Variants in CDS1 observed in about 807,000 individuals in gnomAD.
CDS1 encodes CDP-diacylglycerol synthase 1, also known as phosphatidate cytidylyltransferase 1.
A neutral mutation model predicts 62.1 loss-of-function variants in CDS1; 41 were observed. That is an observed-to-expected ratio of 0.66 (90% CI 0.51 to 0.86). The LOEUF (loss-of-function observed/expected upper bound fraction) is 0.86, where lower values mean the gene tolerates loss of function less well. CDS1 is among the 40% of genes least tolerant of loss of function. The pLI, the probability that CDS1 is intolerant of heterozygous loss-of-function variation, is 0.00. For synonymous variants in CDS1, 185 were observed against 192.6 expected (o/e 0.96, Z 0.32); for missense variants, 470 against 550.1 (o/e 0.85, Z 1.46).
At position 84,619,973 on chromosome 4, in the gene CDS1, C is replaced by T. The variant is rs564063875; in HGVS notation, c.580+440C>T. On this transcript the variant is annotated intron_variant, in intron 5 of 12. Transcript: ENST00000295887. ...CTTGAACCTGGGAGGCAGAGGTTGC[C>T]GTGAGCTGAGATCACGCCATTGCAC... is the stretch of plus-strand genomic sequence containing the variant. Among the ~76,000 whole-genome samples the T allele has an allele frequency of 4.0e-5, 6 of 148,798 alleles. No homozygotes were observed. The South Asian group carries it at 6.4e-4, about 16-fold the overall frequency.
intron 8 of CDS1, among the ~76,000 whole-genome samples, chr4:84,635,688 T>TTCCTTCCC (rs1724182202): frequency 1.8e-5 from 1 of 56,502 alleles, no homozygotes; most frequent in Non-Finnish European, 3.3e-5. Context: ...CCTTCCTTCC[T>TTCCTTCCC]TCCCTCCTTC....
At chr4:84,606,767 A>G (rs149192099) in intron 2 of CDS1, among the ~76,000 whole-genome samples, 114 of 152,094 alleles carry the variant, frequency 7.5e-4, no homozygotes, top group Non-Finnish European at 1.3e-3. Context: ...CACAACCTCT[A>G]CCTCTCAGGC....
At position 84,643,074 on chromosome 4, in the gene CDS1, C is replaced by A. The variant is rs1724440489; in HGVS notation, c.1083C>A (p.Thr361=). ...PFQIHSIALS[T]FASLIGPFGG... ...AGATCCACAGCATTGCACTGTCAAC[C>A]TTTGCATCTTTAATTGGCCCATTTG... The change falls in exon 11 of 13, where the codon ACC becomes ACA. Residue 361 remains threonine (T), a synonymous_variant. Coordinates refer to ENST00000295887, the MANE Select transcript of CDS1 (RefSeq NM_001263.4). 9.3e-6 allele frequency: 15 copies of A among 1,613,010 alleles called. No individual in the cohort carries two copies. Among genetic ancestry groups the A allele is most frequent in the Non-Finnish European group, 1.3e-5 (15 of 1,179,362 alleles).
intron 1 of CDS1, among the ~76,000 whole-genome samples, chr4:84,587,719 G>T (rs1722463031): frequency 6.6e-6 from 1 of 152,262 alleles, no homozygotes; most frequent in Non-Finnish European, 1.5e-5. Context: ...TCGGAGAAAT[G>T]GCATACAAGT....
chr4:84,617,157 C>G (rs1723521952), intron 3 of CDS1, among the ~76,000 whole-genome samples: 1 of 152,142 alleles, frequency 6.6e-6, no homozygotes, highest in South Asian at 2.1e-4. Context: ...AGCAAACTTT[C>G]ATATATGATT....
intron 2 of CDS1, 62 bp from the exon 3 acceptor site, chr4:84,609,367 A>G: frequency 9.7e-7 from 1 of 1,033,374 alleles, no homozygotes; most frequent in South Asian, 1.3e-5. Flanking sequence ...GCAAATCAAT[A>G]CTGAAACCAC....
At chr4:84,588,975 C>T (rs1313244141) in intron 1 of CDS1, among the ~76,000 whole-genome samples, 1 of 152,174 alleles carries the variant, frequency 6.6e-6, no homozygotes, top group Admixed American at 6.5e-5. Context: ...AAACTAAATT[C>T]TTCCAAAGTT....
At chr4:84,625,356 G>T (rs1383990854) in intron 5 of CDS1, among the ~76,000 whole-genome samples, 1 of 152,176 alleles carries the variant, frequency 6.6e-6, no homozygotes, top group African/African-American at 2.4e-5. Context: ...TGAAGTGATT[G>T]TGTGCTTTCC....
chr4:84,601,697 G>C (rs1181191487), intron 1 of CDS1, among the ~76,000 whole-genome samples: 1 of 152,126 alleles, frequency 6.6e-6, no homozygotes, highest in Non-Finnish European at 1.5e-5. Context: ...CGGATCACCT[G>C]AGGTCAGGAG....
chr4:84,639,667 T>C (rs1724319936), intron 9 of CDS1, among the ~76,000 whole-genome samples: 1 of 152,168 alleles, frequency 6.6e-6, no homozygotes, highest in Non-Finnish European at 1.5e-5. Context: ...TTTCCTAGTT[T>C]CTGACAGTTG....
chr4:84,644,717 C>T (rs1267718066), intron 11 of CDS1, among the ~76,000 whole-genome samples: 3 of 152,042 alleles, frequency 2.0e-5, no homozygotes, highest in Non-Finnish European at 4.4e-5. Flanking sequence ...TATGGGCTCA[C>T]TGTAATTTTA....
At position 84,583,207 on chromosome 4, in the gene CDS1, G is replaced by T. The variant is rs912012426; in HGVS notation, c.-195G>T. On this transcript the variant is annotated 5_prime_UTR_variant, in exon 1 of 13. Coordinates refer to ENST00000295887, the MANE Select transcript of CDS1 (RefSeq NM_001263.4). ...GCGCTCGCTGCAGGCGGCCTCGAGC[G>T]CTCTCTCGTTGATGCCGTTTTGGAG... 8.0e-6 allele frequency: 4 copies of T among 497,984 alleles called. No individual in the cohort carries two copies. The African/African-American group carries it at 8.2e-5, about 10-fold the overall frequency. 30.8% of individuals were successfully genotyped at this position (497,984 alleles called of 1,614,324 possible). A position where few individuals can be genotyped will look rare whatever the true frequency, so the allele number is the denominator to read the frequency against.
At chr4:84,635,678 CCTTCCTTCCTTCCCTCCT>C (rs1724179467) in intron 8 of CDS1, among the ~76,000 whole-genome samples, 1 of 131,952 alleles carries the variant, frequency 7.6e-6, no homozygotes, top group African/African-American at 3.0e-5. Context: ...TTCCTTCCTT[CCTTCCTTCCTTCCCTCCT>C]TCCCTCCCTC....
intron 6 of CDS1, among the ~76,000 whole-genome samples, chr4:84,632,949 C>T (rs895975613): frequency 2.6e-5 from 4 of 152,174 alleles, no homozygotes; most frequent in African/African-American, 9.7e-5. Context: ...CCTGGCAATA[C>T]CCCATTTCTA....
intron 12 of CDS1, 133 bp from the exon 13 acceptor site, chr4:84,648,424 C>A (rs776797225): frequency 2.7e-6 from 2 of 751,140 alleles, no homozygotes; most frequent in Non-Finnish European, 2.1e-6. Flanking sequence ...GAGCTATTAT[C>A]AAGAGCTATT....
intron 6 of CDS1, 77 bp downstream of exon 6, chr4:84,631,954 T>C: frequency 1.1e-6 from 1 of 927,258 alleles, no homozygotes; most frequent in South Asian, 1.4e-5. Context: ...AGTGAGAAGA[T>C]ACAGTCGAAT....
intron 1 of CDS1, among the ~76,000 whole-genome samples, chr4:84,590,114 G>A (rs952191095): frequency 1.3e-5 from 2 of 152,178 alleles, no homozygotes; most frequent in Admixed American, 6.5e-5. Context: ...CCCAGCCTAA[G>A]GCAGGTCTTT....
intron 11 of CDS1, among the ~76,000 whole-genome samples, 160 bp downstream of exon 11, chr4:84,643,303 A>T (rs1237646557): frequency 6.6e-6 from 1 of 152,196 alleles, no homozygotes; most frequent in Admixed American, 6.5e-5. Context: ...GTTGATCTGA[A>T]TGTATTCTTT....
rs528235780 is a variant in CDS1 at position 84,583,559 on chromosome 4, G to A, written c.117+41G>A. On this transcript the variant is annotated intron_variant, in intron 1 of 12. Transcript: ENST00000295887. ...AGAGGCGGACGCCGCGCCCTGGCTGGGTCCTGGTTGGAAGCGGGACACTTG... is the reference window on the plus strand; with the variant it reads ...AGAGGCGGACGCCGCGCCCTGGCTGAGTCCTGGTTGGAAGCGGGACACTTG... 2.4e-6 allele frequency: 3 copies of A among 1,263,214 alleles called. No homozygotes were observed. In the South Asian group the frequency reaches 4.4e-5, roughly 18 times the overall value. 78.3% of individuals were successfully genotyped at this position (1,263,214 alleles called of 1,614,324 possible).
Sources: gnomAD v4.1 joint callset for allele counts (sites outside exome capture counted in the v4.1 genomes callset) on GRCh38, gnomAD v4.1.1 for gene constraint, MANE v1.5 for transcripts, NCBI Gene and HGNC (gene_info 2026-07-23, HGNC 2026-07-21) for gene names.